SCARA5: variants seen among roughly 807,000 people sequenced by gnomAD.
The protein encoded by SCARA5 is scavenger receptor class A, member 5 (putative).
Under a neutral mutation model 46.3 loss-of-function variants are expected in SCARA5, and 45 were observed. That is an observed-to-expected ratio of 0.97 (90% confidence interval 0.76 to 1.24). The LOEUF is 1.24. Ranked by LOEUF, SCARA5 falls within the 50% of genes most tolerant of loss-of-function variation. The pLI is 0.00. For missense variants in SCARA5, 680 were observed against 689.0 expected, an observed-to-expected ratio of 0.99 and a Z score of 0.15; for synonymous variants, 333 against 306.5, an observed-to-expected ratio of 1.09 and a Z score of -0.90.
chr8:27,873,510 T>A (rs1414564336), intron 8 of SCARA5, among the ~76,000 whole-genome samples: 1 of 152,108 alleles, frequency 6.6e-6, no homozygotes, highest in African/African-American at 2.4e-5. Flanking sequence ...TTCCTTCTCC[T>A]GGCTCAAAAG....
At position 27,946,744 on chromosome 8, in the gene SCARA5, A is replaced by T. The variant is rs148189185; in HGVS notation, c.241+19670T>A. Among the ~76,000 whole-genome samples the T allele has an allele frequency of 4.6e-3, 694 of 152,256 alleles. 6 individuals carry two copies. Among genetic ancestry groups the T allele is most frequent in the African/African-American group, 0.015 (643 of 41,560 alleles). ...CCAAGTGTGCCCAGGGCCAGAGAGA[A>T]TCTGACGAGGCCTCCTTTGCCCTCT... On this transcript the variant is annotated intron_variant, in intron 3 of 8. Transcript: ENST00000354914.
chr8:27,899,216 T>A (rs1046712032), intron 7 of SCARA5, among the ~76,000 whole-genome samples: 1 of 152,226 alleles, frequency 6.6e-6, no homozygotes, highest in Non-Finnish European at 1.5e-5. Context: ...CTGTGGGGTC[T>A]TCACTAACTC....
chr8:27,921,929 G>C lies in SCARA5; in HGVS notation c.558C>G (p.Tyr186Ter). The C allele has an allele frequency of 6.5e-7, 1 of 1,535,036 alleles. No homozygotes were observed. Among genetic ancestry groups the C allele is most frequent in the Non-Finnish European group, 8.7e-7 (1 of 1,149,402 alleles). Reference sequence around the variant, plus strand: ...TACTGTTGCTCTCCACCTGCAGCTGGTAGAGCTCCAGCTGCGCCGTGTCGC... The same window carrying C: ...TACTGTTGCTCTCCACCTGCAGCTGCTAGAGCTCCAGCTGCGCCGTGTCGC... ...QQSDTAQLEL[Y>*]QLQVESNSSQ... Residue 186 changes from tyrosine (Y) to a stop codon, truncating the protein, a stop_gained, in exon 4 of 9, where the codon TAC becomes TAG. Coordinates refer to ENST00000354914, the MANE Select transcript of SCARA5 (RefSeq NM_173833.6). LOFTEE classifies it high-confidence loss of function.
intron 4 of SCARA5, among the ~76,000 whole-genome samples, chr8:27,914,679 A>G (rs115614889): frequency 0.013 from 2,026 of 152,262 alleles, 55 homozygotes; most frequent in African/African-American, 0.046. Context: ...CTCATTTCTC[A>G]TCTTTTCTGT....
intron 7 of SCARA5, among the ~76,000 whole-genome samples, chr8:27,892,326 A>G (rs1806997664): frequency 6.6e-6 from 1 of 152,202 alleles, no homozygotes; most frequent in South Asian, 2.1e-4. Flanking sequence ...ATCTCCTTGC[A>G]TATCCTCATT....
At chr8:27,971,364 A>T (rs1808445041) in intron 2 of SCARA5, among the ~76,000 whole-genome samples, 1 of 152,210 alleles carries the variant, frequency 6.6e-6, no homozygotes, top group Non-Finnish European at 1.5e-5. Flanking sequence ...GATGGGCTGA[A>T]CTCTGTTCTC....
chr8:27,915,047 T>A (rs949028276), intron 4 of SCARA5, among the ~76,000 whole-genome samples: 2 of 151,974 alleles, frequency 1.3e-5, no homozygotes, highest in Non-Finnish European at 2.9e-5. Flanking sequence ...AGCAGTACAG[T>A]CAAAACCACC....
At chr8:27,905,170 C>T (rs1011046358) in intron 6 of SCARA5, among the ~76,000 whole-genome samples, 1 of 151,678 alleles carries the variant, frequency 6.6e-6, no homozygotes, top group African/African-American at 2.4e-5. Flanking sequence ...CTAATGAGCC[C>T]AGGGGAAAAC....
In SCARA5 at chr8:27,920,612, C is replaced by CA. The variant is rs55954197; in HGVS notation, c.916+958dup. Among the ~76,000 whole-genome samples the CA allele has an allele frequency of 3.8e-3, 475 of 123,638 alleles. 1 individual carries two copies. The highest frequency in any genetic ancestry group is 9.0e-3 in the Middle Eastern group (2 of 222). 81.1% of individuals were successfully genotyped at this position (123,638 alleles called of 152,430 possible). ...TGAGCGACAGAGCGAGACTCCATCT[C>CA]AAAAAAAAAAAAACCAAAACAAAAC... On this transcript the variant is annotated intron_variant, in intron 4 of 8. Coordinates refer to ENST00000354914, the MANE Select transcript of SCARA5 (RefSeq NM_173833.6).
intron 7 of SCARA5, among the ~76,000 whole-genome samples, chr8:27,897,177 G>T (rs1274957120): frequency 1.3e-5 from 2 of 152,100 alleles, no homozygotes; most frequent in East Asian, 1.9e-4. Flanking sequence ...ACCCTCCAAG[G>T]GTGGCTTCCA....
At chr8:27,987,810 G>A (rs1400435766) in intron 1 of SCARA5, among the ~76,000 whole-genome samples, 180 bp from the exon 2 acceptor site, 1 of 152,204 alleles carries the variant, frequency 6.6e-6, no homozygotes, top group Non-Finnish European at 1.5e-5. Context: ...CCAGGTCCTT[G>A]GGGCCGTGAT....
At chr8:27,892,590 C>T (rs2129709798) in intron 7 of SCARA5, among the ~76,000 whole-genome samples, 2 of 150,366 alleles carry the variant, frequency 1.3e-5, no homozygotes, top group East Asian at 3.9e-4. Flanking sequence ...CAGAAGTGAC[C>T]TCTCCATACC....
At chr8:27,873,040 C>T (rs1806665380) in intron 8 of SCARA5, among the ~76,000 whole-genome samples, 1 of 152,220 alleles carries the variant, frequency 6.6e-6, no homozygotes. Flanking sequence ...CAGGCAGAGG[C>T]TAGAACCCTG....
intron 4 of SCARA5, among the ~76,000 whole-genome samples, chr8:27,917,471 G>GA (rs1036897616): frequency 1.8e-4 from 28 of 152,124 alleles, no homozygotes; most frequent in African/African-American, 6.0e-4. Context: ...GAAGGGCCTG[G>GA]AAAGTGCCTC....
intron 7 of SCARA5, among the ~76,000 whole-genome samples, chr8:27,892,709 C>T (rs1230300869): frequency 1.3e-5 from 2 of 150,514 alleles, no homozygotes; most frequent in East Asian, 3.9e-4. Flanking sequence ...CCGGGGTTCA[C>T]GCTATTCTGC....
intron 3 of SCARA5, among the ~76,000 whole-genome samples, chr8:27,928,959 C>T (rs962306706): frequency 2.0e-5 from 3 of 152,112 alleles, no homozygotes; most frequent in Admixed American, 6.5e-5. Flanking sequence ...GCCAAGAACA[C>T]ACTTTTTAAT....
intron 2 of SCARA5, among the ~76,000 whole-genome samples, chr8:27,974,987 T>C (rs1207084022): frequency 6.6e-6 from 1 of 152,100 alleles, no homozygotes; most frequent in Admixed American, 6.5e-5. Context: ...TGTGTATTCA[T>C]GAGATGACTG....
chr8:27,872,211 C>A, intron 8 of SCARA5, 141 bp from the exon 9 acceptor site: 1 of 729,470 alleles, frequency 1.4e-6, no homozygotes, highest in Non-Finnish European at 2.3e-6. Context: ...CTCCACGCCC[C>A]CCGAAGACCT....
intron 7 of SCARA5, among the ~76,000 whole-genome samples, chr8:27,885,362 G>A (rs1489804685): frequency 6.6e-6 from 1 of 152,032 alleles, no homozygotes; most frequent in East Asian, 1.9e-4. Context: ...TCCTTCCCTG[G>A]TCCCCACACC....
Sources: allele counts gnomAD v4.1 joint callset (sites outside exome capture counted in the v4.1 genomes callset), GRCh38; gene constraint gnomAD v4.1.1; transcripts MANE v1.5; gene names NCBI Gene and HGNC (gene_info 2026-07-23, HGNC 2026-07-21).